FCHSD2: variants seen among roughly 807,000 people sequenced by gnomAD.
The protein encoded by FCHSD2 is FCH and double SH3 domains 2.
Under a neutral mutation model 108.1 loss-of-function variants are expected in FCHSD2, and 38 were observed. That is an observed-to-expected ratio of 0.35 (90% CI 0.27 to 0.46). The LOEUF (loss-of-function observed/expected upper bound fraction) is 0.46. Ranked by LOEUF, FCHSD2 falls within the 20% of genes least tolerant of loss-of-function variation. The pLI, the probability that FCHSD2 is intolerant of heterozygous loss-of-function variation, is 1.00. For synonymous variants in FCHSD2, 279 were observed against 314.7 expected (o/e 0.89, Z 1.20); for missense variants, 751 against 897.8 (o/e 0.84, Z 2.09).
intron 12 of FCHSD2, among the ~76,000 whole-genome samples, chr11:72,872,789 C>T (rs971879398): frequency 6.6e-6 from 1 of 152,044 alleles, no homozygotes; most frequent in Non-Finnish European, 1.5e-5. Flanking sequence ...CATGTTTTCA[C>T]TTCTTTTGGG....
At chr11:72,904,287 G>A (rs1396113951) in intron 9 of FCHSD2, among the ~76,000 whole-genome samples, 3 of 152,200 alleles carry the variant, frequency 2.0e-5, no homozygotes, top group Non-Finnish European at 2.9e-5. Context: ...TAATCACCAT[G>A]CAGAAAAGCT....
chr11:72,904,021 G>A (rs1219249391), intron 9 of FCHSD2, among the ~76,000 whole-genome samples: 1 of 152,168 alleles, frequency 6.6e-6, no homozygotes, highest in African/African-American at 2.4e-5. Flanking sequence ...TATAATCTGG[G>A]AACTGGGCGA....
rs1860951097 is a variant in FCHSD2, at chr11:72,841,590, C to T, written c.1927-7G>A. 1 of 1,595,726 alleles carries T rather than the reference C, an allele frequency of 6.3e-7. No homozygotes were observed. Among genetic ancestry groups the T allele is most frequent in the African/African-American group, 1.3e-5 (1 of 74,324 alleles). On this transcript the variant is annotated splice_polypyrimidine_tract_variant and splice_region_variant and intron_variant, in intron 17 of 19. Coordinates refer to ENST00000409418, the MANE Select transcript of FCHSD2 (RefSeq NM_014824.3). The stretch of plus-strand genomic sequence containing the variant: ...GCTTGGGGGAAGGAGAGATCTGCAG[C>T]AAAGGGAAGCGAGGTTACCCGGTGC...
intron 2 of FCHSD2, among the ~76,000 whole-genome samples, chr11:73,136,438 C>T (rs2135577338): frequency 6.6e-6 from 1 of 151,408 alleles, no homozygotes; most frequent in Admixed American, 6.6e-5. Context: ...GTCTCAGCTA[C>T]CATGGAGGAT....
chr11:73,134,628 T>A (rs1367678972), intron 2 of FCHSD2, among the ~76,000 whole-genome samples: 1 of 152,234 alleles, frequency 6.6e-6, no homozygotes, highest in East Asian at 1.9e-4. Context: ...GACAGGTGCT[T>A]CTTGAGCCAG....
rs183693329 is a variant in FCHSD2, at chr11:72,905,481, C to T, written c.829-2843G>A. ...TACTTTCAGTTCTAGGGTACATAGG[C>T]ACAACGTGCAGGTTTGTTACACAGG... On this transcript the variant is annotated intron_variant, in intron 9 of 19. Coordinates refer to ENST00000409418, the MANE Select transcript of FCHSD2 (RefSeq NM_014824.3). Among the ~76,000 whole-genome samples, 358 of 152,294 alleles carry T rather than the reference C, an allele frequency of 2.4e-3. 1 individual carries two copies. The highest frequency in any genetic ancestry group is 4.0e-3 in the Non-Finnish European group (269 of 68,026).
chr11:72,899,521 C>T (rs143659152), intron 10 of FCHSD2, among the ~76,000 whole-genome samples: 22 of 151,772 alleles, frequency 1.4e-4, no homozygotes, highest in African/African-American at 4.8e-4. Flanking sequence ...TCTTTTGAGC[C>T]CAGGAGTTCA....
chr11:72,994,127 G>A (rs1333666797), intron 5 of FCHSD2, among the ~76,000 whole-genome samples: 3 of 152,014 alleles, frequency 2.0e-5, no homozygotes, highest in African/African-American at 7.3e-5. Context: ...CAGAATAACT[G>A]GTCAGCTATG....
chr11:72,870,672 G>A (rs560101000), intron 12 of FCHSD2, among the ~76,000 whole-genome samples: 1 of 151,632 alleles, frequency 6.6e-6, no homozygotes, highest in Admixed American at 6.6e-5. Context: ...AAGCCGAGGG[G>A]GGCAGATCAC....
chr11:73,056,771 G>A (rs1218916431), intron 3 of FCHSD2, among the ~76,000 whole-genome samples: 1 of 152,082 alleles, frequency 6.6e-6, no homozygotes, highest in Non-Finnish European at 1.5e-5. Context: ...AGCAGCAACA[G>A]ATGAGGGAAT....
intron 3 of FCHSD2, among the ~76,000 whole-genome samples, chr11:73,034,345 G>T (rs1307122605): frequency 6.6e-6 from 1 of 152,180 alleles, no homozygotes; most frequent in Non-Finnish European, 1.5e-5. Flanking sequence ...CATGAAGCTA[G>T]AAATTCTCAT....
intron 4 of FCHSD2, among the ~76,000 whole-genome samples, chr11:73,003,722 G>A (rs1269548119): frequency 2.6e-5 from 4 of 151,384 alleles, no homozygotes; most frequent in African/African-American, 7.3e-5. Context: ...TCCTGACCTC[G>A]TGATCCGCCC....
At chr11:73,116,032 T>C (rs1338000225) in intron 2 of FCHSD2, among the ~76,000 whole-genome samples, 1 of 152,256 alleles carries the variant, frequency 6.6e-6, no homozygotes, top group Non-Finnish European at 1.5e-5. Flanking sequence ...TCTTAAAACA[T>C]CACCACTAAA....
chr11:73,020,108 T>C (rs1397499583), intron 3 of FCHSD2, among the ~76,000 whole-genome samples: 1 of 152,210 alleles, frequency 6.6e-6, no homozygotes, highest in Non-Finnish European at 1.5e-5. Flanking sequence ...CTTTGAAACA[T>C]GCAATAACAT....
intron 2 of FCHSD2, 81 bp downstream of exon 2, chr11:73,139,950 A>G: frequency 1.4e-6 from 1 of 718,180 alleles, no homozygotes; most frequent in South Asian, 2.2e-5. Flanking sequence ...AAATTCCATC[A>G]TCAGTTCCTG....
At chr11:72,873,044 C>A (rs141811726) in intron 12 of FCHSD2, among the ~76,000 whole-genome samples, 4 of 152,168 alleles carry the variant, frequency 2.6e-5, no homozygotes, top group African/African-American at 9.6e-5. Context: ...TGTTACAAAT[C>A]TTAGGCCAGG....
intron 10 of FCHSD2, among the ~76,000 whole-genome samples, chr11:72,898,922 T>G (rs1855473803): frequency 6.6e-6 from 1 of 151,902 alleles, no homozygotes; most frequent in Admixed American, 6.6e-5. Flanking sequence ...TTATTATTTT[T>G]TTTTTAGAGA....
intron 8 of FCHSD2, among the ~76,000 whole-genome samples, chr11:72,977,383 C>T (rs1337565681): frequency 6.6e-6 from 1 of 152,132 alleles, no homozygotes; most frequent in African/African-American, 2.4e-5. Context: ...AAACAATCAA[C>T]AAAGTGCAGA....
chr11:73,060,547 G>A (rs1223003511), intron 3 of FCHSD2, among the ~76,000 whole-genome samples: 1 of 152,184 alleles, frequency 6.6e-6, no homozygotes, highest in Non-Finnish European at 1.5e-5. Flanking sequence ...CAATGTCAGA[G>A]CCAGAAGGAG....
Sources: allele counts gnomAD v4.1 joint callset (sites outside exome capture counted in the v4.1 genomes callset), GRCh38; gene constraint gnomAD v4.1.1; transcripts MANE v1.5; gene names NCBI Gene and HGNC (gene_info 2026-07-23, HGNC 2026-07-21).